GOLM2: variants seen among roughly 807,000 people sequenced by gnomAD.
The protein encoded by GOLM2 is golgi membrane protein 2.
In GOLM2, 26 loss-of-function variants were observed where a neutral mutation model predicts 55.9. The ratio of observed to expected loss-of-function variants is 0.47; its 90% CI spans 0.34 to 0.65. The LOEUF (loss-of-function observed/expected upper bound fraction) is 0.65, where lower values mean the gene tolerates loss of function less well. Ranked by LOEUF, GOLM2 falls within the 30% of genes least tolerant of loss-of-function variation. The pLI is 0.01. For synonymous variants in GOLM2, 165 were observed against 194.6 expected, an observed-to-expected ratio of 0.85 and a Z score of 1.27; for missense variants, 486 against 531.8, an observed-to-expected ratio of 0.91 and a Z score of 0.85.
At chr15:44,381,758 A>G (rs895493896) in intron 8 of GOLM2, among the ~76,000 whole-genome samples, 6 of 152,214 alleles carry the variant, frequency 3.9e-5, no homozygotes, top group Admixed American at 3.9e-4. Context: ...GTGTAAGCTA[A>G]TAATTGAACA....
At chr15:44,357,748 T>C (rs904100967) in intron 6 of GOLM2, among the ~76,000 whole-genome samples, 7 of 152,198 alleles carry the variant, frequency 4.6e-5, no homozygotes, top group Non-Finnish European at 1.0e-4. Flanking sequence ...CTTTTCCATA[T>C]ACCAGCAGTC....
In GOLM2 at chr15:44,289,493, C is replaced by T. The variant is rs2078705515; in HGVS notation, c.327+137C>T. 1 of 777,032 alleles carries T rather than the reference C, an allele frequency of 1.3e-6. No homozygotes were observed. The highest frequency in any genetic ancestry group is 2.0e-6 in the Non-Finnish European group (1 of 495,410). The allele number at this position is 777,032 out of a possible 1,614,324, so 48.1% of individuals were successfully genotyped here. A position where few individuals can be genotyped will look rare whatever the true frequency, so the allele number is the denominator to read the frequency against. On this transcript the variant is annotated intron_variant, in intron 1 of 9. Coordinates refer to ENST00000299957, the MANE Select transcript of GOLM2 (RefSeq NM_138423.4). The surrounding 1 kb of genome is among the most constrained non-coding windows in gnomAD (Gnocchi z 4.8). Reference sequence around the variant, plus strand: ...GAAGGCTCCTTTCACCCCCAACAACCCTGTTTCTGTCAGACTTTTCCCAGT... The same window carrying T: ...GAAGGCTCCTTTCACCCCCAACAACTCTGTTTCTGTCAGACTTTTCCCAGT...
At chr15:44,394,293 C>CATT (rs1212240862) in intron 8 of GOLM2, among the ~76,000 whole-genome samples, 3 of 152,206 alleles carry the variant, frequency 2.0e-5, no homozygotes, top group African/African-American at 7.2e-5. Flanking sequence ...CCACGGAATA[C>CATT]ATTGCATCAC....
chr15:44,300,216 AAGAG>A (rs200550104), intron 1 of GOLM2, among the ~76,000 whole-genome samples: 1,831 of 150,598 alleles, frequency 0.012, 16 homozygotes, highest in Non-Finnish European at 0.017. Flanking sequence ...AAGAGGAAGA[AAGAG>A]GGAGAGGGAG....
At chr15:44,402,802 T>C in intron 8 of GOLM2, 85 bp from the exon 9 acceptor site, 1 of 1,392,258 alleles carries the variant, frequency 7.2e-7, no homozygotes, top group Non-Finnish European at 9.9e-7. Flanking sequence ...AGCTTTCACT[T>C]GTTTACTTTC....
intron 1 of GOLM2, among the ~76,000 whole-genome samples, chr15:44,302,068 G>C (rs1402817887): frequency 2.6e-5 from 4 of 152,056 alleles, no homozygotes; most frequent in Non-Finnish European, 5.9e-5. Context: ...TACAAGACTG[G>C]ATTCAGATTG....
intron 1 of GOLM2, among the ~76,000 whole-genome samples, chr15:44,320,648 CGGG>C (rs200396843): frequency 6.6e-6 from 1 of 151,972 alleles, no homozygotes; most frequent in Admixed American, 6.6e-5. Flanking sequence ...ACCCAGGACT[CGGG>C]GGGGTGAAAA....
intron 6 of GOLM2, among the ~76,000 whole-genome samples, chr15:44,370,062 C>A (rs1157913056): frequency 6.6e-6 from 1 of 152,100 alleles, no homozygotes; most frequent in Non-Finnish European, 1.5e-5. Flanking sequence ...TTAAGCTAGG[C>A]CAGTCTCACC....
intron 2 of GOLM2, among the ~76,000 whole-genome samples, chr15:44,324,397 C>G (rs541213259): frequency 6.6e-6 from 1 of 152,122 alleles, no homozygotes; most frequent in Admixed American, 6.5e-5. Context: ...GTATGTATAG[C>G]TATACAACTT....
intron 1 of GOLM2, among the ~76,000 whole-genome samples, chr15:44,312,971 TG>T (rs1386845561): frequency 2.0e-5 from 3 of 151,878 alleles, no homozygotes; most frequent in African/African-American, 7.3e-5. Context: ...CCCAGCTACT[TG>T]GGAGGCCGAG....
intron 1 of GOLM2, among the ~76,000 whole-genome samples, chr15:44,308,980 T>C (rs140075406): frequency 1.3e-5 from 2 of 152,274 alleles, no homozygotes; most frequent in African/African-American, 4.8e-5. Flanking sequence ...AGGACTGGAA[T>C]AGACATTTCT....
At chr15:44,317,313 G>A (rs1172699425) in intron 1 of GOLM2, among the ~76,000 whole-genome samples, 1 of 152,180 alleles carries the variant, frequency 6.6e-6, no homozygotes, top group Non-Finnish European at 1.5e-5. Flanking sequence ...AGAAATCAAG[G>A]TTGCAGTGAG....
At chr15:44,395,277 G>A in intron 8 of GOLM2, among the ~76,000 whole-genome samples, 1 of 151,288 alleles carries the variant, frequency 6.6e-6, no homozygotes, top group Middle Eastern at 3.2e-3. Context: ...CAAAGTGCTG[G>A]TATTACAAGC....
chr15:44,309,907 G>A (rs755761058), intron 1 of GOLM2, among the ~76,000 whole-genome samples: 14 of 151,200 alleles, frequency 9.3e-5, no homozygotes, highest in Non-Finnish European at 2.1e-4. Flanking sequence ...TTTTTGATAC[G>A]GAGTTTCACT....
intron 6 of GOLM2, among the ~76,000 whole-genome samples, chr15:44,368,806 T>A (rs184700426): frequency 6.6e-6 from 1 of 151,238 alleles, no homozygotes; most frequent in Non-Finnish European, 1.5e-5. Context: ...CACAAGTGGA[T>A]CACCTCTCCG....
intron 6 of GOLM2, among the ~76,000 whole-genome samples, chr15:44,368,470 T>A (rs1229910252): frequency 2.0e-5 from 3 of 152,056 alleles, no homozygotes; most frequent in African/African-American, 7.2e-5. Flanking sequence ...TTGTTTAGAT[T>A]TTTGTAATAC....
At chr15:44,391,946 G>A (rs947289355) in intron 8 of GOLM2, among the ~76,000 whole-genome samples, 4 of 152,098 alleles carry the variant, frequency 2.6e-5, no homozygotes, top group Non-Finnish European at 5.9e-5. Flanking sequence ...TGCCTCCCAG[G>A]TTCAAGCTAT....
chr15:44,363,736 A>G (rs1341518159), intron 6 of GOLM2, among the ~76,000 whole-genome samples: 1 of 151,472 alleles, frequency 6.6e-6, no homozygotes, highest in Non-Finnish European at 1.5e-5. Flanking sequence ...ATAAAGACAC[A>G]TGCACACGTA....
chr15:44,357,904 A>T (rs190497803), intron 6 of GOLM2, among the ~76,000 whole-genome samples: 66 of 152,348 alleles, frequency 4.3e-4, no homozygotes, highest in African/African-American at 1.5e-3. Context: ...TCAAAGAAGA[A>T]TTAAATAAAT....
Sources: allele counts gnomAD v4.1 joint callset (sites outside exome capture counted in the v4.1 genomes callset), GRCh38; gene constraint gnomAD v4.1.1; non-coding constraint Gnocchi (gnomAD v3.1); transcripts MANE v1.5; gene names NCBI Gene and HGNC (gene_info 2026-07-23, HGNC 2026-07-21).